ARHGEF11: variants seen among roughly 807,000 people sequenced by gnomAD.
ARHGEF11 encodes Rho guanine nucleotide exchange factor 11.
ARHGEF11 carries 55 observed loss-of-function variants against 193.7 expected under a neutral mutation model. That is an observed-to-expected ratio of 0.28 (90% CI 0.23 to 0.36). ARHGEF11 has a LOEUF of 0.36. Ranked by LOEUF, ARHGEF11 falls within the 10% of genes least tolerant of loss-of-function variation. The probability of loss-of-function intolerance (pLI) is 1.00; values close to 1 mark genes in which losing one functional copy is unlikely to be tolerated. For synonymous variants in ARHGEF11, 693 were observed against 768.0 expected, an observed-to-expected ratio of 0.90 and a Z score of 1.62; for missense variants, 1,723 against 2,005.6, an observed-to-expected ratio of 0.86 and a Z score of 2.69.
At position 156,968,059 on chromosome 1, in the gene ARHGEF11, C is replaced by G. The variant is rs1244060281; in HGVS notation, c.891G>C (p.Val297=). The change falls in exon 11 of 41, where the codon GTG becomes GTC. Residue 297 remains valine (V), a synonymous_variant. Transcript: ENST00000368194. ...GGTGCTGGGCCACCCTGGCCATGATCACAGGGGAGGTTCGAGGACTGTCTA... is the reference window on the plus strand; with the variant it reads ...GGTGCTGGGCCACCCTGGCCATGATGACAGGGGAGGTTCGAGGACTGTCTA... ...PGLDSPRTSP[V]IMARVAQHHR... The G allele has an allele frequency of 6.2e-7, 1 of 1,614,238 alleles. No homozygotes were observed.
Position 156,986,217 on chromosome 1 carries a change from G to A in ARHGEF11, c.33-44C>T, listed in dbSNP as rs752456944. 1.2e-5 allele frequency: 19 copies of A among 1,536,764 alleles called. 1 individual carries two copies. Among genetic ancestry groups the A allele is most frequent in the South Asian group, 2.2e-5 (2 of 89,118 alleles). ...AAGCATGTCAATGAGCTCAGCAGGGGGGATCAGCCTTGTAGTAGATGGAGG... is the reference window on the plus strand; with the variant it reads ...AAGCATGTCAATGAGCTCAGCAGGGAGGATCAGCCTTGTAGTAGATGGAGG... On this transcript the variant is annotated intron_variant, in intron 1 of 40. Transcript: ENST00000368194.
rs560719021 is a variant in ARHGEF11, at chr1:156,977,650, G to C, written c.510+554C>G. 7.6e-4 allele frequency among the ~76,000 whole-genome samples: 115 copies of C among 152,288 alleles called. No individual in the cohort carries two copies. The Middle Eastern group carries it at 0.017, about 23-fold the overall frequency. On this transcript the variant is annotated intron_variant, in intron 6 of 40. Coordinates refer to ENST00000368194, the MANE Select transcript of ARHGEF11 (RefSeq NM_198236.3). ...GCTGGTCTCGAACTCCTGAGCTCAA[G>C]TGATCCTCCCACCTTAGCCCCACAA... is the stretch of plus-strand genomic sequence containing the variant.
At chr1:156,963,911 A>G in intron 11 of ARHGEF11, 1 of 463,942 alleles carries the variant, frequency 2.2e-6, no homozygotes. Context: ...TCAACAAAAT[A>G]AGAGCCAACA....
chr1:156,945,829 G>A (rs1026273083), intron 29 of ARHGEF11: 18 of 483,690 alleles, frequency 3.7e-5, no homozygotes, highest in East Asian at 3.4e-4. Context: ...GGTGGCCTTC[G>A]ATGGTGGCCC....
In ARHGEF11 at chr1:157,009,220, C is replaced by T. The variant is rs922588063; in HGVS notation, c.33-23047G>A. On this transcript the variant is annotated intron_variant, in intron 1 of 40. Transcript: ENST00000368194. ...GATCTTCACCTCTATGAAAAGTCTG[C>T]TTATCCAGTATAAAATGGACTTATA... Among the ~76,000 whole-genome samples, 3 of 152,174 alleles carry T rather than the reference C, an allele frequency of 2.0e-5. No homozygotes were observed. In the East Asian group the frequency reaches 5.8e-4, roughly 29 times the overall value.
At chr1:156,978,133 G>A in intron 6 of ARHGEF11, 71 bp downstream of exon 6, 1 of 1,589,474 alleles carries the variant, frequency 6.3e-7, no homozygotes, top group South Asian at 1.1e-5. Flanking sequence ...GATTTAACTT[G>A]CTTTCCTCCC....
intron 1 of ARHGEF11, among the ~76,000 whole-genome samples, chr1:156,991,707 C>CTTT (rs1208007433): frequency 6.5e-5 from 7 of 107,528 alleles, no homozygotes; most frequent in African/African-American, 2.6e-4. Context: ...TTTTTTCAAG[C>CTTT]TTATTTTTTT....
At chr1:157,034,036 C>T (rs1671614964) in intron 1 of ARHGEF11, among the ~76,000 whole-genome samples, 1 of 152,204 alleles carries the variant, frequency 6.6e-6, no homozygotes, top group Admixed American at 6.5e-5. Context: ...ATTTGTTAAA[C>T]AGACCAAGCT....
chr1:157,000,564 T>G (rs957507956), intron 1 of ARHGEF11, among the ~76,000 whole-genome samples: 1 of 152,216 alleles, frequency 6.6e-6, no homozygotes, highest in African/African-American at 2.4e-5. Context: ...ACCTTTCTAA[T>G]TTACTTTCTT....
chr1:156,945,193 G>T lies in ARHGEF11; in HGVS notation c.2817C>A (p.Gly939=). 6.2e-7 allele frequency: 1 copy of T among 1,613,468 alleles called. No homozygotes were observed. The highest frequency in any genetic ancestry group is 8.5e-7 in the Non-Finnish European group (1 of 1,179,650). Residue 939 remains glycine (G), a synonymous_variant, in exon 30 of 41, where the codon GGC becomes GGA. Coordinates refer to ENST00000368194, the MANE Select transcript of ARHGEF11 (RefSeq NM_198236.3). ...GGCACAGCTTCTCATGCTCAGAGGTGCCACCTACCAAAATGGACAGAAGAG... is the reference window on the plus strand; with the variant it reads ...GGCACAGCTTCTCATGCTCAGAGGTTCCACCTACCAAAATGGACAGAAGAG... ...LESIIKHTEG[G]TSEHEKLCRA...
chr1:156,969,463 C>T, intron 9 of ARHGEF11, 105 bp from the exon 10 acceptor site: 2 of 1,058,914 alleles, frequency 1.9e-6, no homozygotes, highest in Non-Finnish European at 2.8e-6. Context: ...GGAGCTGCCA[C>T]CTTTTCTTTC....
In ARHGEF11 at chr1:156,978,275, C is replaced by T; in HGVS notation, c.439G>A (p.Val147Met). 3 of 1,614,112 alleles carry T rather than the reference C, an allele frequency of 1.9e-6. No individual in the cohort carries two copies. Among genetic ancestry groups the T allele is most frequent in the Non-Finnish European group, 2.5e-6 (3 of 1,180,004 alleles). ...GGAGGAGGTGGTGGTGAGGGGATCA[C>T]TGACGTGATTCGGGGAGCTCCTGCT... is the stretch of plus-strand genomic sequence containing the variant. Reference protein sequence around the residue: ...SPAGAPRITSVIPSPPPPPPL... With the variant: ...SPAGAPRITSMIPSPPPPPPL... Residue 147 changes from valine to methionine, a missense_variant, in exon 6 of 41, where the codon GTG becomes ATG. Physicochemically the swap from Val to Met is conservative, Grantham distance 21. Around this residue, in one of 5 missense-constraint regions of ARHGEF11, gnomAD observed 646 missense variants for 710.7 expected, o/e 0.91. Coordinates refer to ENST00000368194, the MANE Select transcript of ARHGEF11 (RefSeq NM_198236.3).
chr1:157,029,654 G>A (rs1053537050), intron 1 of ARHGEF11, among the ~76,000 whole-genome samples: 1 of 152,144 alleles, frequency 6.6e-6, no homozygotes, highest in South Asian at 2.1e-4. Flanking sequence ...ATACACCCAA[G>A]AGAAATGAAC....
chr1:156,965,716 T>A (rs994782139), intron 11 of ARHGEF11, among the ~76,000 whole-genome samples: 5 of 152,216 alleles, frequency 3.3e-5, no homozygotes, highest in Non-Finnish European at 7.3e-5. Context: ...CAGAGAGGCT[T>A]GGTCACATGT....
In ARHGEF11 at chr1:157,013,259, T is replaced by TCTCACACACACACACACACACA. The variant is rs1553228459; in HGVS notation, c.33-27087_33-27086insTGTGTGTGTGTGTGTGTGTGAG. Among the ~76,000 whole-genome samples, 520 of 109,548 alleles carry TCTCACACACACACACACACACA rather than the reference T, an allele frequency of 4.7e-3. 10 individuals are homozygous for TCTCACACACACACACACACACA. Among genetic ancestry groups the TCTCACACACACACACACACACA allele is most frequent in the Middle Eastern group, 0.01 (2 of 196 alleles). The allele number at this position is 109,548 out of a possible 152,430, so 71.9% of individuals were successfully genotyped here. A position where few individuals can be genotyped will look rare whatever the true frequency, so the allele number is the denominator to read the frequency against. ...CCCAACTGCTCATAACTCCCCACTA[T>TCTCACACACACACACACACACA]CACTCACACACACACACACACACAC... On this transcript the variant is annotated intron_variant, in intron 1 of 40. Transcript: ENST00000368194.
intron 1 of ARHGEF11, among the ~76,000 whole-genome samples, chr1:157,025,032 C>T (rs112887239): frequency 6.6e-6 from 1 of 152,116 alleles, no homozygotes. Flanking sequence ...AAATTAAATC[C>T]CCACAACCTC....
chr1:156,945,327 C>T (rs1382000637), intron 29 of ARHGEF11, 130 bp from the exon 30 acceptor site: 2 of 995,998 alleles, frequency 2.0e-6, no homozygotes, highest in Non-Finnish European at 2.9e-6. Flanking sequence ...TGGAGGGGAG[C>T]CACCCTTGCC....
At chr1:156,983,139 C>G (rs1571352555) in intron 3 of ARHGEF11, among the ~76,000 whole-genome samples, 1 of 152,234 alleles carries the variant, frequency 6.6e-6, no homozygotes, top group East Asian at 1.9e-4. Flanking sequence ...ATGCTACTTA[C>G]TGCACTGAAG....
intron 8 of ARHGEF11, among the ~76,000 whole-genome samples, chr1:156,971,141 T>C (rs1189719478): frequency 6.6e-6 from 1 of 152,226 alleles, no homozygotes; most frequent in Non-Finnish European, 1.5e-5. Context: ...AAGACACTAA[T>C]AGCAAAGTCC....
Sources: gnomAD v4.1 joint callset for allele counts (sites outside exome capture counted in the v4.1 genomes callset) on GRCh38, gnomAD v4.1.1 for gene constraint, gnomAD v4.1.1 regional missense constraint, MANE v1.5 for transcripts, NCBI Gene and HGNC (gene_info 2026-07-23, HGNC 2026-07-21) for gene names.